SART1: variants seen among roughly 807,000 people sequenced by gnomAD.
SART1 encodes the protein spliceosome associated factor 1, recruiter of U4/U6.U5 tri-snRNP, also known as U4/U6.U5 tri-snRNP-associated protein 1.
In SART1, 28 loss-of-function variants were observed where a neutral mutation model predicts 105.0. That is an observed-to-expected ratio of 0.27 (90% CI 0.20 to 0.37). The LOEUF (loss-of-function observed/expected upper bound fraction) is 0.37, where lower values mean the gene tolerates loss of function less well. Among genes scored for constraint, SART1 ranks in the 10% least tolerant of loss-of-function variants. The probability of loss-of-function intolerance (pLI) is 1.00; values close to 1 mark genes in which losing one functional copy is unlikely to be tolerated. For missense variants in SART1, 894 were observed against 1,106.5 expected, an observed-to-expected ratio of 0.81 and a Z score of 2.72; for synonymous variants, 472 against 462.9, an observed-to-expected ratio of 1.02 and a Z score of -0.25.
At position 65,978,977 on chromosome 11, in the gene SART1, C is replaced by T; in HGVS notation, c.2385-35C>T. 1 of 1,614,010 alleles carries T rather than the reference C, an allele frequency of 6.2e-7. No homozygotes were observed. The highest frequency in any genetic ancestry group is 8.5e-7 in the Non-Finnish European group (1 of 1,179,976). ...GGAGGGGTGGCGTGGCCTGTGCCCGCCTCTGCAGCCTCACGCCCCTGTTCT... is the reference window on the plus strand; with the variant it reads ...GGAGGGGTGGCGTGGCCTGTGCCCGTCTCTGCAGCCTCACGCCCCTGTTCT... On this transcript the variant is annotated intron_variant, in intron 19 of 19. Transcript: ENST00000312397. This position sits in a 1 kb window ranked among gnomAD's most constrained non-coding sequence, Gnocchi z 6.8.
chr11:65,976,984 T>C lies in SART1; in HGVS notation c.1858-30T>C, dbSNP rs370207973. On this transcript the variant is annotated intron_variant, in intron 14 of 19. Coordinates refer to ENST00000312397, the MANE Select transcript of SART1 (RefSeq NM_005146.5). The surrounding 1 kb of genome is among the most constrained non-coding windows in gnomAD (Gnocchi z 5.1). ...GGGGCTGAGAAGAGCCGGTATGGCC[T>C]GCTAACCACCCCCGCCACGTGTCCC... The C allele has an allele frequency of 3.2e-6, 5 of 1,583,682 alleles. No homozygotes were observed. The highest frequency in any genetic ancestry group is 4.3e-6 in the Non-Finnish European group (5 of 1,152,772).
Position 65,979,137 on chromosome 11 carries a change from T to C in SART1, c.*107T>C. 2.8e-6 allele frequency: 4 copies of C among 1,449,558 alleles called. No individual in the cohort carries two copies. The highest frequency in any genetic ancestry group is 1.2e-5 in the South Asian group (1 of 83,060). 89.8% of individuals were successfully genotyped at this position (1,449,558 alleles called of 1,614,324 possible). ...ACAGATTCCAGGGTTGGATCTTTGG[T>C]TGGGTGTGGCACAGAGTCTGGCTCC... On this transcript the variant is annotated 3_prime_UTR_variant, in exon 20 of 20. Coordinates refer to ENST00000312397, the MANE Select transcript of SART1 (RefSeq NM_005146.5).
Position 65,965,569 on chromosome 11 carries a change from A to T in SART1, c.660+122A>T, listed in dbSNP as rs1304568874. 2.5e-5 allele frequency: 33 copies of T among 1,315,622 alleles called. No individual in the cohort carries two copies. The Admixed American group carries it at 7.0e-4, about 28-fold the overall frequency. 81.5% of individuals were successfully genotyped at this position (1,315,622 alleles called of 1,614,324 possible). Reference sequence around the variant, plus strand: ...GGAGAAGGGAAGGGCCGTGGTCGGTAGCATCTACTTTGGATTCTCAGCAGC... The same window carrying T: ...GGAGAAGGGAAGGGCCGTGGTCGGTTGCATCTACTTTGGATTCTCAGCAGC... On this transcript the variant is annotated intron_variant, in intron 5 of 19. Transcript: ENST00000312397.
At chr11:65,967,860 C>T in intron 12 of SART1, 39 bp downstream of exon 12, 1 of 1,447,302 alleles carries the variant, frequency 6.9e-7, no homozygotes, top group Non-Finnish European at 9.1e-7. Flanking sequence ...CGTCAGCAGT[C>T]ACCTGTCCTC....
At position 65,976,270 on chromosome 11, in the gene SART1, TG is replaced by T; in HGVS notation, c.1573-122del. ...GTGGAGTTAGGCGGCAGATAGCAGC[TG>T]GGCCTGCATGGGCTGTGGGCGTGGC... On this transcript the variant is annotated intron_variant, in intron 12 of 19. Transcript: ENST00000312397. This position sits in a 1 kb window ranked among gnomAD's most constrained non-coding sequence, Gnocchi z 5.1. 1.1e-6 allele frequency: 1 copy of T among 926,304 alleles called. No individual in the cohort carries two copies. The allele number at this position is 926,304 out of a possible 1,614,324, so 57.4% of individuals were successfully genotyped here.
chr11:65,962,836 G>A (rs1855173406), intron 1 of SART1, among the ~76,000 whole-genome samples: 1 of 152,216 alleles, frequency 6.6e-6, no homozygotes, highest in Non-Finnish European at 1.5e-5. Flanking sequence ...AGGTGTTTTG[G>A]AGGAGGAATG....
intron 12 of SART1, among the ~76,000 whole-genome samples, chr11:65,970,434 A>G (rs1172256878): frequency 6.6e-6 from 1 of 152,214 alleles, no homozygotes; most frequent in Non-Finnish European, 1.5e-5. Context: ...TGTGGGAGAC[A>G]CATTTATGAC....
rs776226306 is a variant in SART1 at position 65,965,757 on chromosome 11, A to G, written c.716A>G (p.Glu239Gly). Reference protein sequence around the residue: ...QEFGVSTLVEEEFGQRRQDLY... With the variant: ...QEFGVSTLVEGEFGQRRQDLY... ...TTTGGTGTCAGCACTCTGGTGGAGG[A>G]GGAGTTCGGGCAGAGGCGGCAGGTG... Residue 239 changes from glutamate to glycine, a missense_variant, in exon 6 of 20, where the codon GAG becomes GGG. By Grantham distance (98) the Glu-to-Gly change is moderately conservative. Around this residue, in one of 2 missense-constraint regions of SART1, gnomAD observed 712 missense variants for 778.2 expected, o/e 0.91. Coordinates refer to ENST00000312397, the MANE Select transcript of SART1 (RefSeq NM_005146.5). The G allele has an allele frequency of 1.2e-6, 2 of 1,613,786 alleles. No individual in the cohort carries two copies. Among genetic ancestry groups the G allele is most frequent in the Non-Finnish European group, 1.7e-6 (2 of 1,179,978 alleles).
chr11:65,962,161 G>T (rs756543804), intron 1 of SART1, 68 bp downstream of exon 1: 45 of 1,153,872 alleles, frequency 3.9e-5, no homozygotes, highest in Non-Finnish European at 4.9e-5. Flanking sequence ...GTCTGGGTGT[G>T]CGCGCAGTGT....
intron 12 of SART1, among the ~76,000 whole-genome samples, chr11:65,975,189 G>A (rs1042723955): frequency 1.4e-5 from 2 of 144,934 alleles, no homozygotes; most frequent in East Asian, 2.0e-4. Flanking sequence ...CCATAGCCTC[G>A]GCCTCCAGGC....
rs765256197 is a variant in SART1 at position 65,964,561 on chromosome 11, A to G, written c.418A>G (p.Ile140Val). ...LGLKPLEVNA[I>V]KKEAGTKEEP... ...GCTGAAACCCTTGGAGGTTAATGCC[A>G]TCAAGAAGGGTGAGTATGGGGCTGA... Residue 140 changes from isoleucine to valine, a missense_variant, in exon 3 of 20, where the codon ATC becomes GTC. Coordinates refer to ENST00000312397, the MANE Select transcript of SART1 (RefSeq NM_005146.5). The G allele has an allele frequency of 3.7e-6, 6 of 1,610,646 alleles. No homozygotes were observed. In the East Asian group the frequency reaches 8.9e-5, roughly 24 times the overall value.
rs533753377 is a variant in SART1, at chr11:65,974,395, T to C, written c.1573-2000T>C. 7.4e-4 allele frequency among the ~76,000 whole-genome samples: 68 copies of C among 91,808 alleles called. 1 individual carries two copies. The highest frequency in any genetic ancestry group is 1.8e-3 in the East Asian group (5 of 2,824). The allele number at this position is 91,808 out of a possible 152,430, so 60.2% of individuals were successfully genotyped here. On this transcript the variant is annotated intron_variant, in intron 12 of 19. Transcript: ENST00000312397. ...TCAAAAAAAAAAAAAAAAAAAACCA[T>C]ATCAGCCGGGTGTGGTGGTTCACAC...
At chr11:65,973,131 A>ACG (rs1565316530) in intron 12 of SART1, among the ~76,000 whole-genome samples, 20 of 152,060 alleles carry the variant, frequency 1.3e-4, no homozygotes, top group Non-Finnish European at 2.6e-4. Context: ...CCGAGATCGC[A>ACG]CCACTGCACT....
Position 65,965,326 on chromosome 11 carries a change from T to A in SART1, c.555-16T>A. The A allele has an allele frequency of 6.3e-7, 1 of 1,595,062 alleles. No homozygotes were observed. The highest frequency in any genetic ancestry group is 8.5e-7 in the Non-Finnish European group (1 of 1,170,826). ...AGGAGCTGGGCTCCTTGAGCATCACTTTTTCCCCTCTTCAGGAAGATAAAG... is the reference window on the plus strand; with the variant it reads ...AGGAGCTGGGCTCCTTGAGCATCACATTTTCCCCTCTTCAGGAAGATAAAG... On this transcript the variant is annotated splice_polypyrimidine_tract_variant and intron_variant, in intron 4 of 19. Coordinates refer to ENST00000312397, the MANE Select transcript of SART1 (RefSeq NM_005146.5).
chr11:65,978,575 C>G lies in SART1; in HGVS notation c.2173-25C>G, dbSNP rs775821517. On this transcript the variant is annotated intron_variant, in intron 17 of 19. Transcript: ENST00000312397. This position sits in a 1 kb window ranked among gnomAD's most constrained non-coding sequence, Gnocchi z 6.8. ...TCCGGCCCCACCCAGGGCCCTGCAT[C>G]TCCTCTCATGCCCCGCGTCCCCAGG... The G allele has an allele frequency of 1.3e-6, 2 of 1,551,294 alleles. No homozygotes were observed. Among genetic ancestry groups the G allele is most frequent in the Non-Finnish European group, 1.7e-6 (2 of 1,147,302 alleles).
At chr11:65,971,698 G>A (rs1855383089) in intron 12 of SART1, among the ~76,000 whole-genome samples, 1 of 152,020 alleles carries the variant, frequency 6.6e-6, no homozygotes, top group African/African-American at 2.4e-5. Context: ...ATTGAGGATT[G>A]GGTTTTCTAG....
intron 3 of SART1, 140 bp downstream of exon 3, chr11:65,964,710 C>G (rs183150285): frequency 1.5e-4 from 126 of 829,006 alleles, no homozygotes; most frequent in Non-Finnish European, 2.0e-4. Context: ...TGAGGTCCCT[C>G]CTTGCTGGTA....
Position 65,967,242 on chromosome 11 carries a change from G to A in SART1, c.1189-17G>A, listed in dbSNP as rs372588966. 3.1e-6 allele frequency: 5 copies of A among 1,611,978 alleles called. No individual in the cohort carries two copies. The highest frequency in any genetic ancestry group is 4.2e-6 in the Non-Finnish European group (5 of 1,178,972). On this transcript the variant is annotated splice_polypyrimidine_tract_variant and intron_variant, in intron 9 of 19. Coordinates refer to ENST00000312397, the MANE Select transcript of SART1 (RefSeq NM_005146.5). ...TTCTGTGGCCCCCGCTCCATGTCTC[G>A]CCCCTCTTCCCTTAAGGTGACCTTT...
chr11:65,979,040 C>T lies in SART1; in HGVS notation c.*10C>T. On this transcript the variant is annotated 3_prime_UTR_variant, in exon 20 of 20. Coordinates refer to ENST00000312397, the MANE Select transcript of SART1 (RefSeq NM_005146.5). ...CACCATCACCAAGTGACAGCGCCCT[C>T]CCGCCCCGGCCCTGCCTCAACCTTC... 6.2e-7 allele frequency: 1 copy of T among 1,614,132 alleles called. No homozygotes were observed. The highest frequency in any genetic ancestry group is 8.5e-7 in the Non-Finnish European group (1 of 1,180,008).
Sources: allele counts gnomAD v4.1 joint callset (sites outside exome capture counted in the v4.1 genomes callset), GRCh38; gene constraint gnomAD v4.1.1; regional missense constraint gnomAD v4.1.1; non-coding constraint Gnocchi (gnomAD v3.1); transcripts MANE v1.5; gene names NCBI Gene and HGNC (gene_info 2026-07-23, HGNC 2026-07-21).